The following ELP1 variants were observed in gnomAD, a reference collection of about 807,000 sequenced individuals.
ELP1 encodes elongator acetyltransferase complex subunit 1.
Under a neutral mutation model 183.2 loss-of-function variants are expected in ELP1, and 131 were observed. The observed-to-expected ratio is 0.72, with a 90% CI of 0.62 to 0.83. The LOEUF is 0.83. ELP1 is among the 40% of genes least tolerant of loss of function. The pLI is 0.00. For missense variants in ELP1, 1,550 were observed against 1,594.9 expected (o/e 0.97, Z 0.48); for synonymous variants, 555 against 569.0 (o/e 0.98, Z 0.35).
At chr9:108,882,059 C>T (rs1827949611) in intron 30 of ELP1, 66 bp downstream of exon 30, 3 of 1,311,224 alleles carry the variant, frequency 2.3e-6, no homozygotes, top group Non-Finnish European at 2.2e-6. Context: ...TTCCAACTGA[C>T]CTGGAATCCC....
At chr9:108,902,454 C>T (rs1161793062) in intron 16 of ELP1, among the ~76,000 whole-genome samples, 1 of 152,158 alleles carries the variant, frequency 6.6e-6, no homozygotes, top group Admixed American at 6.5e-5. Flanking sequence ...TTTTGTTTTC[C>T]AGCCACTGCA....
At position 108,900,392 on chromosome 9, in the gene ELP1, C is replaced by G; in HGVS notation, c.2015-17G>C. 1 of 1,559,290 alleles carries G rather than the reference C, an allele frequency of 6.4e-7. No homozygotes were observed. Among genetic ancestry groups the G allele is most frequent in the South Asian group, 1.1e-5 (1 of 89,900 alleles). ...CCTGTAATGCTAAACACACCATTAA[C>G]TAATAAGCCTTAATTATCACAACAA... On this transcript the variant is annotated splice_polypyrimidine_tract_variant and intron_variant, in intron 18 of 36. Transcript: ENST00000374647.
chr9:108,915,842 G>A (rs1564099634), intron 10 of ELP1, among the ~76,000 whole-genome samples: 1 of 151,798 alleles, frequency 6.6e-6, no homozygotes, highest in Non-Finnish European at 1.5e-5. Flanking sequence ...TGGTACTTGA[G>A]GAATGCAAAA....
chr9:108,931,088 T>C lies in ELP1; in HGVS notation c.59A>G (p.Asn20Ser), dbSNP rs201242143. The C allele has an allele frequency of 1.2e-6, 2 of 1,614,098 alleles. No homozygotes were observed. Among genetic ancestry groups the C allele is most frequent in the East Asian group, 2.2e-5 (1 of 44,882 alleles). ...LEFRDIQGPG[N>S]PQCFSLRTEQ... ...AGTTCGGAGAGAGAAGCACTGAGGA[T>C]TCCCTGGACCTTGAATATCCCTGAA... Residue 20 changes from asparagine (N) to serine (S), a missense_variant, in exon 2 of 37, where the codon AAT becomes AGT. Coordinates refer to ENST00000374647, the MANE Select transcript of ELP1 (RefSeq NM_003640.5).
intron 31 of ELP1, 103 bp from the exon 32 acceptor site, chr9:108,880,268 AAG>A (rs1414583635): frequency 2.1e-5 from 16 of 774,040 alleles, no homozygotes; most frequent in Non-Finnish European, 3.7e-5. Context: ...AGCAAAAAGA[AAG>A]AGGTTACTAG....
At chr9:108,892,218 G>C (rs1828368911) in intron 27 of ELP1, among the ~76,000 whole-genome samples, 1 of 152,176 alleles carries the variant, frequency 6.6e-6, no homozygotes, top group South Asian at 2.1e-4. Flanking sequence ...ATGGCATTCA[G>C]GAGTAACCCA....
chr9:108,877,834 A>C (rs1827759162), intron 35 of ELP1, among the ~76,000 whole-genome samples, 161 bp downstream of exon 35: 1 of 152,254 alleles, frequency 6.6e-6, no homozygotes, highest in Non-Finnish European at 1.5e-5. Flanking sequence ...TCTACAGGCA[A>C]ATATCAAATC....
intron 8 of ELP1, 56 bp downstream of exon 8, chr9:108,918,755 A>T: frequency 8.3e-7 from 1 of 1,199,504 alleles, no homozygotes; most frequent in Non-Finnish European, 1.2e-6. Context: ...ATCCATGTGT[A>T]CCACCACCTC....
chr9:108,909,569 A>T (rs1829137300), intron 12 of ELP1, among the ~76,000 whole-genome samples: 1 of 152,104 alleles, frequency 6.6e-6, no homozygotes, highest in African/African-American at 2.4e-5. Flanking sequence ...CTTATATCCA[A>T]ACTCTCCCCA....
intron 36 of ELP1, among the ~76,000 whole-genome samples, chr9:108,874,464 C>T (rs1470187112): frequency 1.3e-5 from 2 of 152,044 alleles, no homozygotes; most frequent in African/African-American, 2.4e-5. Flanking sequence ...ATTGTCAATC[C>T]TAAACATAAT....
chr9:108,913,370 G>C (rs1357066110), intron 10 of ELP1, among the ~76,000 whole-genome samples: 1 of 152,096 alleles, frequency 6.6e-6, no homozygotes, highest in Non-Finnish European at 1.5e-5. Flanking sequence ...TATTAAGCAA[G>C]CAAGACTTAA....
At chr9:108,906,995 G>A (rs1462237403) in intron 13 of ELP1, among the ~76,000 whole-genome samples, 4 of 152,258 alleles carry the variant, frequency 2.6e-5, no homozygotes, top group Admixed American at 2.0e-4. Context: ...CGTAGGAACC[G>A]ACAATGGCTA....
At chr9:108,872,820 A>C (rs1167485044) in intron 36 of ELP1, among the ~76,000 whole-genome samples, 4 of 69,994 alleles carry the variant, frequency 5.7e-5, no homozygotes, top group Admixed American at 1.9e-4. Context: ...AAAAAAAAAA[A>C]AAAAAAAAAA....
intron 12 of ELP1, among the ~76,000 whole-genome samples, chr9:108,910,560 T>C (rs1829175347): frequency 6.6e-6 from 1 of 152,194 alleles, no homozygotes; most frequent in African/African-American, 2.4e-5. Context: ...AACACCTGTG[T>C]TGAGGTCCTT....
At chr9:108,912,539 G>T in intron 10 of ELP1, 45 bp from the exon 11 acceptor site, 1 of 1,408,508 alleles carries the variant, frequency 7.1e-7, no homozygotes. Context: ...CTGGGAAGCA[G>T]ACTTCATCCC....
Position 108,930,967 on chromosome 9 carries a change from ACATGCTGGCATT to A in ELP1, c.150+18_150+29del, listed in dbSNP as rs1168395059. 6.2e-7 allele frequency: 1 copy of A among 1,612,340 alleles called. No homozygotes were observed. The highest frequency in any genetic ancestry group is 2.2e-5 in the East Asian group (1 of 44,860). ...AGAAGAGAAATCAAGGGTCATACCC[ACATGCTGGCATT>A]CTACATCAGTAACTTACTTCTCTTG... On this transcript the variant is annotated intron_variant, in intron 2 of 36. Transcript: ENST00000374647.
Position 108,878,168 on chromosome 9 carries a change from A to C in ELP1, c.3701-19T>G, listed in dbSNP as rs749498874. 6 of 1,595,896 alleles carry C rather than the reference A, an allele frequency of 3.8e-6. No homozygotes were observed. In the East Asian group the frequency reaches 1.1e-4, roughly 30 times the overall value. ...ACTTCATCTAGAGAGAAGAAATTTG[A>C]AAGAGTGGTAAGTTATATTCCCAGC... On this transcript the variant is annotated intron_variant, in intron 34 of 36. Coordinates refer to ENST00000374647, the MANE Select transcript of ELP1 (RefSeq NM_003640.5).
intron 24 of ELP1, 73 bp from the exon 25 acceptor site, chr9:108,896,717 A>G (rs1828562235): frequency 7.0e-6 from 10 of 1,427,060 alleles, no homozygotes; most frequent in Non-Finnish European, 9.9e-6. Flanking sequence ...CAACATAACC[A>G]AAAAGACAAT....
At chr9:108,919,425 G>T (rs1829564280) in intron 6 of ELP1, 76 bp from the exon 7 acceptor site, 1 of 942,468 alleles carries the variant, frequency 1.1e-6, no homozygotes, top group Non-Finnish European at 1.7e-6. Context: ...CAGACCACTA[G>T]ATACAGATGT....
Sources: gnomAD v4.1 joint callset for allele counts (sites outside exome capture counted in the v4.1 genomes callset) on GRCh38, gnomAD v4.1.1 for gene constraint, MANE v1.5 for transcripts, NCBI Gene and HGNC (gene_info 2026-07-23, HGNC 2026-07-21) for gene names.